ITGA1: variants seen among roughly 807,000 people sequenced by gnomAD.
ITGA1 encodes the protein integrin subunit alpha 1, also known as integrin alpha-1.
In ITGA1, 85 loss-of-function variants were observed where a neutral mutation model predicts 145.9. That is an observed-to-expected ratio of 0.58 (90% CI 0.49 to 0.70). The LOEUF is 0.70. ITGA1 is among the 30% of genes least tolerant of loss of function. The probability of loss-of-function intolerance (pLI) is 0.00; values close to 1 mark genes in which losing one functional copy is unlikely to be tolerated. For synonymous variants in ITGA1, 520 were observed against 495.3 expected, an observed-to-expected ratio of 1.05 and a Z score of -0.66; for missense variants, 1,351 against 1,418.7, an observed-to-expected ratio of 0.95 and a Z score of 0.77.
intron 1 of ITGA1, among the ~76,000 whole-genome samples, chr5:52,841,131 G>A (rs1749247864): frequency 6.6e-6 from 1 of 152,204 alleles, no homozygotes; most frequent in Non-Finnish European, 1.5e-5. Context: ...ACTTGTTGAT[G>A]GAGGTAGGTA....
At chr5:52,817,784 C>G (rs1455231388) in intron 1 of ITGA1, among the ~76,000 whole-genome samples, 1 of 152,186 alleles carries the variant, frequency 6.6e-6, no homozygotes, top group Non-Finnish European at 1.5e-5. Context: ...AAATATGTAT[C>G]TTTGCATATG....
intron 2 of ITGA1, among the ~76,000 whole-genome samples, chr5:52,855,268 C>A (rs1200035491): frequency 6.6e-6 from 1 of 152,092 alleles, no homozygotes; most frequent in African/African-American, 2.4e-5. Flanking sequence ...GCTGTTTGAC[C>A]TGGAGAAATG....
intron 1 of ITGA1, among the ~76,000 whole-genome samples, chr5:52,827,089 C>CTTTTTT (rs201041439): frequency 7.4e-6 from 1 of 134,846 alleles, no homozygotes. Context: ...CCATTAAGAA[C>CTTTTTT]TTTTTTTTTT....
chr5:52,878,412 A>G (rs892397851), intron 6 of ITGA1, among the ~76,000 whole-genome samples: 8 of 152,218 alleles, frequency 5.3e-5, no homozygotes, highest in African/African-American at 1.7e-4. Flanking sequence ...ACTTACCAAC[A>G]TTTTGAGTTT....
intron 9 of ITGA1, among the ~76,000 whole-genome samples, chr5:52,894,523 A>C (rs1426937735): frequency 1.3e-5 from 2 of 152,116 alleles, no homozygotes; most frequent in Non-Finnish European, 1.5e-5. Flanking sequence ...TAAAAAACAA[A>C]AAAAAAAAGT....
In ITGA1 at chr5:52,911,353, T is replaced by A. The variant is rs1750523724; in HGVS notation, c.1857+934T>A. 2.2e-5 allele frequency among the ~76,000 whole-genome samples: 3 copies of A among 135,124 alleles called. No individual in the cohort carries two copies. In the Admixed American group the frequency reaches 2.4e-4, roughly 11 times the overall value. 88.6% of individuals were successfully genotyped at this position (135,124 alleles called of 152,430 possible). The stretch of plus-strand genomic sequence containing the variant: ...TATAGTGTATATATAGTATATAGTG[T>A]ATATATAGTGTATATAGTGAGTATA... On this transcript the variant is annotated intron_variant, in intron 14 of 28. Coordinates refer to ENST00000282588, the MANE Select transcript of ITGA1 (RefSeq NM_181501.2).
intron 27 of ITGA1, 21 bp from the exon 28 acceptor site, chr5:52,947,324 A>C: frequency 7.0e-7 from 1 of 1,438,126 alleles, no homozygotes. Context: ...TATGTTAACA[A>C]TCTTGTTTAA....
chr5:52,922,172 A>C (rs949968993), intron 17 of ITGA1, among the ~76,000 whole-genome samples: 4 of 140,900 alleles, frequency 2.8e-5, no homozygotes, highest in African/African-American at 1.0e-4. Context: ...GTGGTGGCAC[A>C]TGCCTGTAAT....
chr5:52,873,221 G>A (rs558291823), intron 6 of ITGA1, among the ~76,000 whole-genome samples: 1 of 152,130 alleles, frequency 6.6e-6, no homozygotes, highest in Non-Finnish European at 1.5e-5. Flanking sequence ...GGATTCCCCT[G>A]GACAACCCTT....
intron 18 of ITGA1, 97 bp from the exon 19 acceptor site, chr5:52,925,181 A>T: frequency 1.2e-6 from 1 of 841,192 alleles, no homozygotes; most frequent in Non-Finnish European, 2.0e-6. Context: ...TGCTTAACTT[A>T]CTTTGGCTGT....
intron 6 of ITGA1, among the ~76,000 whole-genome samples, chr5:52,879,419 C>G (rs1233868451): frequency 1.3e-5 from 2 of 152,092 alleles, no homozygotes; most frequent in Non-Finnish European, 2.9e-5. Flanking sequence ...TAGAATTAGC[C>G]ATAATGATTA....
intron 20 of ITGA1, 24 bp downstream of exon 20, chr5:52,927,688 TG>T: frequency 7.1e-7 from 1 of 1,406,456 alleles, no homozygotes; most frequent in Non-Finnish European, 1.0e-6. Flanking sequence ...ACAAAATACA[TG>T]TAGAAATTGA....
At chr5:52,905,934 T>C in intron 12 of ITGA1, 26 bp downstream of exon 12, 1 of 1,593,936 alleles carries the variant, frequency 6.3e-7, no homozygotes, top group South Asian at 1.1e-5. Flanking sequence ...ATTCTTTTAT[T>C]TAAATTAATC....
intron 8 of ITGA1, among the ~76,000 whole-genome samples, chr5:52,890,606 C>T (rs6886001): frequency 0.47 from 71,417 of 151,988 alleles, 17,202 homozygotes; most frequent in East Asian, 0.58. Context: ...TATGGATACA[C>T]GATAGCTGTA....
At chr5:52,914,892 G>T (rs1412340434) in intron 14 of ITGA1, among the ~76,000 whole-genome samples, 8 of 152,168 alleles carry the variant, frequency 5.3e-5, no homozygotes, top group African/African-American at 1.9e-4. Flanking sequence ...ACTCATTTGT[G>T]CCATCTCAAC....
At position 52,920,435 on chromosome 5, in the gene ITGA1, A is replaced by T; in HGVS notation, c.2259A>T (p.Lys753Asn). The T allele has an allele frequency of 1.9e-6, 3 of 1,610,120 alleles. No individual in the cohort carries two copies. The highest frequency in any genetic ancestry group is 8.5e-7 in the Non-Finnish European group (1 of 1,178,520). ...RKVQRNITVRKSECTKHSFYM... is the reference protein window; with the variant it reads ...RKVQRNITVRNSECTKHSFYM... ...TTCAAAGGAACATCACAGTTCGAAAATCAGAATGCACTAAGCACTCCTTCT... is the reference window on the plus strand; with the variant it reads ...TTCAAAGGAACATCACAGTTCGAAATTCAGAATGCACTAAGCACTCCTTCT... Residue 753 changes from lysine (K) to asparagine (N), a missense_variant, in exon 17 of 29, where the codon AAA becomes AAT. Physicochemically the swap from Lys to Asn is moderately conservative, Grantham distance 94 (BLOSUM62 0). Transcript: ENST00000282588.
chr5:52,862,741 G>A (rs970423134), intron 3 of ITGA1, among the ~76,000 whole-genome samples: 9 of 151,966 alleles, frequency 5.9e-5, no homozygotes, highest in African/African-American at 9.7e-5. Context: ...GAATGTGACC[G>A]GAAAATTCCT....
rs1329659491 is a variant in ITGA1, at chr5:52,958,294, T to C, written c.*5843T>C. 2 of 152,158 alleles carry C rather than the reference T, an allele frequency of 1.3e-5. No individual in the cohort carries two copies. Among genetic ancestry groups the C allele is most frequent in the African/African-American group, 4.8e-5 (2 of 41,430 alleles). The allele number at this position is 152,158 out of a possible 1,614,324, so 9.4% of individuals were successfully genotyped here. On this transcript the variant is annotated 3_prime_UTR_variant, in exon 29 of 29. Coordinates refer to ENST00000282588, the MANE Select transcript of ITGA1 (RefSeq NM_181501.2). ...TATTTCTCTTTTATGTCTACATCCT[T>C]ACTCCTCAAAATACTTTAAGCTCAC...
intron 1 of ITGA1, among the ~76,000 whole-genome samples, chr5:52,831,783 T>C (rs1428920708): frequency 3.9e-5 from 6 of 152,158 alleles, no homozygotes; most frequent in Admixed American, 2.0e-4. Context: ...TTTATTAATG[T>C]CCGCTGAATG....
Sources: allele counts gnomAD v4.1 joint callset (sites outside exome capture counted in the v4.1 genomes callset), GRCh38; gene constraint gnomAD v4.1.1; transcripts MANE v1.5; gene names NCBI Gene and HGNC (gene_info 2026-07-23, HGNC 2026-07-21).